The following LAMB1 variants were observed in gnomAD, a reference collection of about 807,000 sequenced individuals.
LAMB1 encodes laminin subunit beta-1.
A neutral mutation model predicts 222.3 loss-of-function variants in LAMB1; 121 were observed. That is an observed-to-expected ratio of 0.54 (90% CI 0.47 to 0.63). The LOEUF (loss-of-function observed/expected upper bound fraction) is 0.63, where lower values mean the gene tolerates loss of function less well. LAMB1 is among the 30% of genes least tolerant of loss of function. The probability of loss-of-function intolerance (pLI) is 0.00; values close to 1 mark genes in which losing one functional copy is unlikely to be tolerated. For synonymous variants in LAMB1, 794 were observed against 807.2 expected, an observed-to-expected ratio of 0.98 and a Z score of 0.28; for missense variants, 2,172 against 2,240.8, an observed-to-expected ratio of 0.97 and a Z score of 0.62.
chr7:107,941,285 A>G (rs1383924075), intron 24 of LAMB1, among the ~76,000 whole-genome samples: 2 of 152,244 alleles, frequency 1.3e-5, no homozygotes, highest in Non-Finnish European at 2.9e-5. Context: ...AATCATTTTT[A>G]TATCAACATC....
rs1456134234 is a variant in LAMB1, at chr7:107,924,037, G to C, written c.5275C>G (p.Gln1759Glu). The change falls in exon 34 of 34, where the codon CAA (glutamine) becomes GAA (glutamate). Residue 1759 changes from glutamine (Q) to glutamate (E), a missense_variant. Physicochemically the swap from Gln to Glu is conservative, Grantham distance 29. Transcript: ENST00000222399. The part of the protein sequence containing the change: ...DNQRYLEDKA[Q>E]ELARLEGEVR... ...TCTCCTTCCAGTCTTGCTAATTCTTGAGCTTTATCTTCTAAGTATCTTTGA... is the reference window on the plus strand; with the variant it reads ...TCTCCTTCCAGTCTTGCTAATTCTTCAGCTTTATCTTCTAAGTATCTTTGA... The C allele has an allele frequency of 6.3e-7, 1 of 1,585,976 alleles. No homozygotes were observed. The highest frequency in any genetic ancestry group is 2.0e-5 in the Admixed American group (1 of 50,822).
intron 24 of LAMB1, among the ~76,000 whole-genome samples, chr7:107,947,746 G>T (rs979383160): frequency 1.3e-5 from 2 of 152,108 alleles, no homozygotes; most frequent in African/African-American, 2.4e-5. Context: ...TTGAGGATCC[G>T]ACACATTCTC....
rs370876282 is a variant in LAMB1, at chr7:107,975,888, A to G, written c.1001-11T>C. ...CATTGCAGTTACATTCTGCGTGACA[A>G]GAGCAACGTCAAGAAAAGCTTTTTA... On this transcript the variant is annotated splice_polypyrimidine_tract_variant and intron_variant, in intron 9 of 33. Coordinates refer to ENST00000222399, the MANE Select transcript of LAMB1 (RefSeq NM_002291.3). The G allele has an allele frequency of 1.2e-4, 197 of 1,611,192 alleles. No homozygotes were observed. The highest frequency in any genetic ancestry group is 1.5e-4 in the Non-Finnish European group (176 of 1,178,392).
intron 13 of LAMB1, among the ~76,000 whole-genome samples, chr7:107,966,313 C>T (rs187154972): frequency 3.9e-5 from 6 of 152,030 alleles, no homozygotes; most frequent in Admixed American, 6.5e-5. Flanking sequence ...TGGGTTCAAG[C>T]GATTCTCCCA....
intron 29 of LAMB1, 148 bp from the exon 30 acceptor site, chr7:107,929,767 T>C (rs2032661255): frequency 7.7e-6 from 5 of 645,508 alleles, no homozygotes; most frequent in Non-Finnish European, 1.3e-5. Context: ...TTATAATCTA[T>C]CTGGGATTTT....
chr7:107,940,031 G>C lies in LAMB1; in HGVS notation c.3719C>G (p.Ala1240Gly). ...IKDILAQSPA[A>G]EPLKNIGNLF... ...ATTCCCAATGTTTTTCAGTGGCTCT[G>C]CTGCGGGGCTCTGCGCCAGGATGTC... Residue 1240 changes from alanine to glycine, a missense_variant, in exon 25 of 34, where the codon GCA becomes GGA. Coordinates refer to ENST00000222399, the MANE Select transcript of LAMB1 (RefSeq NM_002291.3). 1.9e-6 allele frequency: 3 copies of C among 1,614,082 alleles called. No homozygotes were observed. Among genetic ancestry groups the C allele is most frequent in the Non-Finnish European group, 2.5e-6 (3 of 1,180,020 alleles).
chr7:107,932,778 C>CAT (rs2032745435), intron 27 of LAMB1, among the ~76,000 whole-genome samples: 1 of 152,060 alleles, frequency 6.6e-6, no homozygotes, highest in African/African-American at 2.4e-5. Context: ...GCACCAGCAC[C>CAT]ATGTTAACTC....
rs150663209 is a variant in LAMB1 at position 107,940,367 on chromosome 7, G to C, written c.3392-9C>G. 1 of 1,606,094 alleles carries C rather than the reference G, an allele frequency of 6.2e-7. No individual in the cohort carries two copies. The highest frequency in any genetic ancestry group is 1.3e-5 in the African/African-American group (1 of 74,768). The stretch of plus-strand genomic sequence containing the variant: ...GGGGTCACAGTCACAGGCTAGAAGG[G>C]AATAAGCAATGCTAGCTGATCTACT... On this transcript the variant is annotated splice_polypyrimidine_tract_variant and intron_variant, in intron 24 of 33. Transcript: ENST00000222399.
intron 20 of LAMB1, among the ~76,000 whole-genome samples, chr7:107,957,737 T>C (rs1366902861): frequency 6.6e-6 from 1 of 152,088 alleles, no homozygotes; most frequent in Non-Finnish European, 1.5e-5. Flanking sequence ...TTGGGGACAA[T>C]CTAAGTGTAG....
At chr7:107,960,886 G>A (rs2033483468) in intron 17 of LAMB1, among the ~76,000 whole-genome samples, 1 of 152,144 alleles carries the variant, frequency 6.6e-6, no homozygotes, top group Non-Finnish European at 1.5e-5. Context: ...TAGAGATGGG[G>A]TCTTGCTTTG....
At position 107,955,506 on chromosome 7, in the gene LAMB1, T is replaced by C; in HGVS notation, c.2815A>G (p.Thr939Ala). The C allele has an allele frequency of 6.2e-7, 1 of 1,614,084 alleles. No individual in the cohort carries two copies. The highest frequency in any genetic ancestry group is 8.5e-7 in the Non-Finnish European group (1 of 1,179,998). ...TCACAAACACAGGCAAGCTGTAAAG[T>C]AACAGGATCTTGGTAGCAGCTCCTG... ...FARSCYQDPV[T>A]LQLACVCDPG... is the part of the protein sequence containing the mutation. Residue 939 changes from threonine to alanine, a missense_variant, in exon 21 of 34, where the codon ACT (threonine) becomes GCT (alanine). Coordinates refer to ENST00000222399, the MANE Select transcript of LAMB1 (RefSeq NM_002291.3).
intron 27 of LAMB1, among the ~76,000 whole-genome samples, chr7:107,932,951 T>C (rs528934718): frequency 1.6e-4 from 25 of 152,268 alleles, no homozygotes; most frequent in Middle Eastern, 3.4e-3. Flanking sequence ...AATGCTACAG[T>C]TGTAGCTGAA....
At chr7:107,967,365 T>G (rs1187406589) in intron 13 of LAMB1, among the ~76,000 whole-genome samples, 2 of 152,222 alleles carry the variant, frequency 1.3e-5, no homozygotes, top group African/African-American at 4.8e-5. Flanking sequence ...TCTCCTAAAC[T>G]GACCTCTCAA....
chr7:107,942,824 G>A (rs2033021972), intron 24 of LAMB1: 2 of 152,144 alleles, frequency 1.3e-5, no homozygotes, highest in Non-Finnish European at 2.9e-5. Context: ...GGGGAAAAAC[G>A]TGTTCCGGTT....
Position 107,959,748 on chromosome 7 carries a change from T to C in LAMB1, c.2401A>G (p.Arg801Gly). Reference sequence around the variant, plus strand: ...CCAGGTGCACATCTGTTGCAGGTTCTTCCAACCACGTTGGGCCGGCACTGG... The same window carrying C: ...CCAGGTGCACATCTGTTGCAGGTTCCTCCAACCACGTTGGGCCGGCACTGG... ...QCQCRPNVVG[R>G]TCNRCAPGTF... Residue 801 changes from arginine (R) to glycine (G), a missense_variant, in exon 19 of 34, where the codon AGA becomes GGA. By Grantham distance (125) the Arg-to-Gly change is moderately radical. Coordinates refer to ENST00000222399, the MANE Select transcript of LAMB1 (RefSeq NM_002291.3). The C allele has an allele frequency of 6.2e-7, 1 of 1,614,198 alleles. No individual in the cohort carries two copies. Among genetic ancestry groups the C allele is most frequent in the Non-Finnish European group, 8.5e-7 (1 of 1,180,026 alleles).
chr7:107,932,298 C>G lies in LAMB1; in HGVS notation c.4268G>C (p.Arg1423Thr). The change falls in exon 28 of 34, where the codon AGG (arginine) becomes ACG (threonine). Residue 1423 changes from arginine to threonine, a missense_variant. By Grantham distance (71) the Arg-to-Thr change is moderately conservative (BLOSUM62 -1). Transcript: ENST00000222399. ...GPNCRTDEGE[R>T]KCGGPGCGGL... ...ACCACAGCCAGGCCCCCCACACTTC[C>G]TCTCTCCTTCGTCAGTTCTGCAGTT... is the stretch of plus-strand genomic sequence containing the variant. 6.2e-7 allele frequency: 1 copy of G among 1,614,204 alleles called. No homozygotes were observed. Among genetic ancestry groups the G allele is most frequent in the South Asian group, 1.1e-5 (1 of 91,080 alleles).
intron 3 of LAMB1, 94 bp downstream of exon 3, chr7:108,001,464 T>C (rs1433612184): frequency 2.2e-6 from 3 of 1,349,538 alleles, no homozygotes; most frequent in Non-Finnish European, 3.0e-6. Context: ...CCTATCTGGA[T>C]TGCTGGAAGG....
At chr7:107,951,063 G>T (rs1348689962) in intron 24 of LAMB1, 163 bp downstream of exon 24, 2 of 597,916 alleles carry the variant, frequency 3.3e-6, no homozygotes, top group Non-Finnish European at 6.0e-6. Flanking sequence ...AGATTTGTTA[G>T]ATTGTTTTTT....
At position 107,992,122 on chromosome 7, in the gene LAMB1, T is replaced by C. The variant is rs531593001; in HGVS notation, c.423+2765A>G. On this transcript the variant is annotated intron_variant, in intron 5 of 33. Coordinates refer to ENST00000222399, the MANE Select transcript of LAMB1 (RefSeq NM_002291.3). ...TCCTGACCCACTGTCCCACCACCAG[T>C]GCCTTGCTCTCAGACTGTTTCCCTC... Among the ~76,000 whole-genome samples the C allele has an allele frequency of 2.0e-5, 3 of 152,252 alleles. No individual in the cohort carries two copies. The South Asian group carries it at 6.2e-4, about 32-fold the overall frequency.
Sources: allele counts gnomAD v4.1 joint callset (sites outside exome capture counted in the v4.1 genomes callset), GRCh38; gene constraint gnomAD v4.1.1; transcripts MANE v1.5; gene names NCBI Gene and HGNC (gene_info 2026-07-23, HGNC 2026-07-21).